Variants in SRGAP2 observed in about 807,000 individuals in gnomAD.
SRGAP2 encodes SLIT-ROBO Rho GTPase activating protein 2.
Under a neutral mutation model 57.2 loss-of-function variants are expected in SRGAP2, and 15 were observed. That is an observed-to-expected ratio of 0.26 (90% CI 0.18 to 0.40). SRGAP2 has a LOEUF of 0.40. SRGAP2 is among the 10% of genes least tolerant of loss of function. SRGAP2 has a pLI of 1.00. For missense variants in SRGAP2, 520 were observed against 669.6 expected (o/e 0.78, Z 2.47); for synonymous variants, 249 against 248.0 (o/e 1.00, Z -0.04).
intron 11 of SRGAP2, among the ~76,000 whole-genome samples, chr1:206,418,252 A>T (rs1659920818): frequency 6.6e-6 from 1 of 152,220 alleles, no homozygotes; most frequent in African/African-American, 2.4e-5. Context: ...AATGGAACAG[A>T]TGTAGAAAAT....
At chr1:206,378,808 C>A (rs1655456621) in intron 4 of SRGAP2, among the ~76,000 whole-genome samples, 1 of 152,200 alleles carries the variant, frequency 6.6e-6, no homozygotes, top group South Asian at 2.1e-4. Context: ...CCGCGAAGGT[C>A]CACAGCTTCA....
chr1:206,357,539 T>C (rs76470528), intron 4 of SRGAP2, among the ~76,000 whole-genome samples: 1 of 151,564 alleles, frequency 6.6e-6, no homozygotes, highest in Non-Finnish European at 1.5e-5. Flanking sequence ...TGGCTGTCCC[T>C]TAGGTTTTTC....
At chr1:206,253,013 T>TA (rs1668932446) in intron 2 of SRGAP2, among the ~76,000 whole-genome samples, 1 of 142,736 alleles carries the variant, frequency 7.0e-6, no homozygotes, top group Non-Finnish European at 1.5e-5. Flanking sequence ...TCTTTGCTGT[T>TA]TAAGTTGTTT....
chr1:206,290,502 C>T (rs1351859364), intron 2 of SRGAP2, among the ~76,000 whole-genome samples: 13 of 151,404 alleles, frequency 8.6e-5, no homozygotes, highest in African/African-American at 2.4e-4. Context: ...ATTGGCCCGG[C>T]GTGGTGGCAG....
At chr1:206,395,433 A>T (rs1427678132) in intron 7 of SRGAP2, among the ~76,000 whole-genome samples, 1 of 133,872 alleles carries the variant, frequency 7.5e-6, no homozygotes, top group Admixed American at 7.2e-5. Context: ...ATTGATGACA[A>T]TCTGAACACT....
chr1:206,323,653 T>C (rs1673645101), intron 3 of SRGAP2, among the ~76,000 whole-genome samples: 1 of 146,630 alleles, frequency 6.8e-6, no homozygotes, highest in South Asian at 2.3e-4. Context: ...CAGCAGCTCA[T>C]GTAATATGCT....
chr1:206,425,876 C>T (rs1396402959), intron 13 of SRGAP2, among the ~76,000 whole-genome samples: 1 of 140,972 alleles, frequency 7.1e-6, no homozygotes, highest in Non-Finnish European at 1.5e-5. Flanking sequence ...GATGGAGTTT[C>T]ACTCTTGTCG....
intron 2 of SRGAP2, among the ~76,000 whole-genome samples, chr1:206,257,275 G>A (rs1235235545): frequency 1.3e-5 from 1 of 74,736 alleles, no homozygotes; most frequent in East Asian, 5.4e-4. Context: ...GGGCTGAAGT[G>A]ATCCTCTTGC....
intron 4 of SRGAP2, among the ~76,000 whole-genome samples, chr1:206,359,382 A>G (rs1676712172): frequency 1.7e-5 from 1 of 59,506 alleles, no homozygotes. Context: ...CATTGGCAGC[A>G]GTACTCAGTG....
intron 3 of SRGAP2, among the ~76,000 whole-genome samples, chr1:206,339,597 C>T (rs1319547790): frequency 3.3e-5 from 5 of 151,816 alleles, no homozygotes; most frequent in African/African-American, 4.8e-5. Flanking sequence ...GAGGGTTGCT[C>T]ATTTGAATGG....
chr1:206,428,644 C>G (rs552457828), intron 13 of SRGAP2, among the ~76,000 whole-genome samples: 1 of 152,050 alleles, frequency 6.6e-6, no homozygotes, highest in African/African-American at 2.4e-5. Context: ...CCTCACTAAG[C>G]CTTCATTTCT....
At chr1:206,306,535 C>T (rs1180665649) in intron 3 of SRGAP2, among the ~76,000 whole-genome samples, 55 of 152,242 alleles carry the variant, frequency 3.6e-4, no homozygotes, top group African/African-American at 1.3e-3. Flanking sequence ...AAACCTTCCA[C>T]CGTGTGGAAG....
At chr1:206,262,622 TAA>T (rs879954643) in intron 2 of SRGAP2, among the ~76,000 whole-genome samples, 10 of 134,260 alleles carry the variant, frequency 7.4e-5, no homozygotes, top group Non-Finnish European at 8.0e-5. Flanking sequence ...TGGTGGAGAT[TAA>T]AAAAAAAAAA....
At chr1:206,446,438 T>G (rs1249578848) in intron 18 of SRGAP2, 139 bp downstream of exon 18, 3 of 647,890 alleles carry the variant, frequency 4.6e-6, no homozygotes, top group Non-Finnish European at 8.3e-6. Context: ...GGTCTGGGGA[T>G]GCTATAGGCA....
At chr1:206,459,451 G>A (rs1235592810) in intron 22 of SRGAP2, among the ~76,000 whole-genome samples, 1 of 152,188 alleles carries the variant, frequency 6.6e-6, no homozygotes, top group African/African-American at 2.4e-5. Flanking sequence ...TACTCTGGCT[G>A]CAGAGAGCTC....
intron 3 of SRGAP2, among the ~76,000 whole-genome samples, chr1:206,327,510 A>G (rs1397530982): frequency 4.5e-5 from 6 of 134,150 alleles, no homozygotes; most frequent in African/African-American, 1.8e-4. Flanking sequence ...TGTCATAATT[A>G]TAAGAAAAGA....
intron 4 of SRGAP2, among the ~76,000 whole-genome samples, chr1:206,355,244 CCCAT>C (rs1676346131): frequency 1.3e-5 from 2 of 152,192 alleles, no homozygotes; most frequent in African/African-American, 4.8e-5. Flanking sequence ...TGCAAAATCT[CCCAT>C]CTTCTAGATT....
At chr1:206,424,745 C>T (rs61816859) in intron 13 of SRGAP2, among the ~76,000 whole-genome samples, 5,449 of 152,320 alleles carry the variant, frequency 0.036, 173 homozygotes, top group Non-Finnish European at 0.048. Flanking sequence ...CACAGGAGTG[C>T]ACAGACACAT....
At chr1:206,286,274 G>A (rs1671018670) in intron 2 of SRGAP2, among the ~76,000 whole-genome samples, 1 of 151,636 alleles carries the variant, frequency 6.6e-6, no homozygotes, top group Non-Finnish European at 1.5e-5. Flanking sequence ...TCAAAATATA[G>A]CAGAGGTGAC....
Sources: allele counts gnomAD v4.1 joint callset (sites outside exome capture counted in the v4.1 genomes callset), GRCh38; gene constraint gnomAD v4.1.1; transcripts MANE v1.5; gene names NCBI Gene and HGNC (gene_info 2026-07-23, HGNC 2026-07-21).